The following DCC variants were observed in gnomAD, a reference collection of about 807,000 sequenced individuals.
The protein encoded by DCC is netrin receptor DCC.
In DCC, 58 loss-of-function variants were observed where a neutral mutation model predicts 172.5. The ratio of observed to expected loss-of-function variants is 0.34; its 90% confidence interval spans 0.27 to 0.42. The LOEUF (loss-of-function observed/expected upper bound fraction) is 0.42. Ranked by LOEUF, DCC falls within the 10% of genes least tolerant of loss-of-function variation. The pLI is 1.00. For missense variants in DCC, 1,740 were observed against 1,791.0 expected (o/e 0.97, Z 0.51); for synonymous variants, 709 against 644.5 (o/e 1.10, Z -1.52).
intron 2 of DCC, among the ~76,000 whole-genome samples, chr18:52,844,936 T>C (rs112434472): frequency 0.027 from 4,079 of 152,310 alleles, 163 homozygotes; most frequent in African/African-American, 0.09. Context: ...GAAACAACTA[T>C]GGGAAATATT....
At chr18:52,743,299 G>A (rs1189709950) in intron 1 of DCC, among the ~76,000 whole-genome samples, 1 of 152,148 alleles carries the variant, frequency 6.6e-6, no homozygotes, top group Non-Finnish European at 1.5e-5. Context: ...TGAAAAACAC[G>A]GAAGCTAAAG....
chr18:52,833,012 T>C (rs556663517), intron 2 of DCC, among the ~76,000 whole-genome samples: 2 of 152,234 alleles, frequency 1.3e-5, no homozygotes, highest in East Asian at 3.9e-4. Context: ...AATGAGAATA[T>C]ATAACCTCTT....
intron 1 of DCC, among the ~76,000 whole-genome samples, chr18:52,652,160 T>C (rs1278053715): frequency 6.6e-6 from 1 of 152,166 alleles, no homozygotes; most frequent in East Asian, 1.9e-4. Flanking sequence ...GGAGAGTTTT[T>C]ATCCCTGTAG....
chr18:53,334,941 G>A (rs189360656), intron 14 of DCC, among the ~76,000 whole-genome samples: 1 of 152,072 alleles, frequency 6.6e-6, no homozygotes, highest in Admixed American at 6.6e-5. Flanking sequence ...AATTCTTTTT[G>A]CATTTATACT....
intron 1 of DCC, among the ~76,000 whole-genome samples, chr18:52,484,034 GA>G (rs1237356037): frequency 6.6e-6 from 1 of 151,902 alleles, no homozygotes; most frequent in African/African-American, 2.4e-5. Flanking sequence ...TATGCTCTGG[GA>G]AAAAATAATA....
intron 7 of DCC, among the ~76,000 whole-genome samples, chr18:53,066,979 T>C (rs1023558639): frequency 6.6e-6 from 1 of 151,924 alleles, no homozygotes; most frequent in Non-Finnish European, 1.5e-5. Flanking sequence ...CAACCAGATC[T>C]CATGAGAACT....
chr18:52,751,050 G>T (rs1421378334), intron 1 of DCC, among the ~76,000 whole-genome samples: 1 of 152,182 alleles, frequency 6.6e-6, no homozygotes, highest in Non-Finnish European at 1.5e-5. Context: ...TTAAACATCA[G>T]CAAGAAAATT....
At chr18:53,025,795 T>TACACACAC (rs34351949) in intron 5 of DCC, among the ~76,000 whole-genome samples, 6,037 of 141,500 alleles carry the variant, frequency 0.043, 158 homozygotes, top group African/African-American at 0.047. Flanking sequence ...AAAACTATGA[T>TACACACAC]ACACACACAC....
intron 13 of DCC, among the ~76,000 whole-genome samples, chr18:53,310,307 G>C (rs1402549444): frequency 6.6e-6 from 1 of 151,932 alleles, no homozygotes; most frequent in Admixed American, 6.6e-5. Flanking sequence ...AAAATGTAAA[G>C]GATTTGATCC....
intron 15 of DCC, among the ~76,000 whole-genome samples, chr18:53,344,586 C>G (rs1353731385): frequency 6.6e-6 from 1 of 151,026 alleles, no homozygotes. Flanking sequence ...GGATTACAAG[C>G]GTGCGCCATC....
chr18:53,106,210 A>G (rs10502964), intron 7 of DCC, among the ~76,000 whole-genome samples: 15,490 of 151,826 alleles, frequency 0.1, 1,146 homozygotes, highest in Admixed American at 0.22. Flanking sequence ...CTTATTTCCC[A>G]TTGCTGCCTA....
intron 7 of DCC, among the ~76,000 whole-genome samples, chr18:53,107,391 C>G (rs2043264862): frequency 6.6e-6 from 1 of 151,600 alleles, no homozygotes; most frequent in Non-Finnish European, 1.5e-5. Flanking sequence ...GCCCATTTTT[C>G]TGGCCTTTCA....
chr18:53,293,152 T>A (rs961503507), intron 12 of DCC, among the ~76,000 whole-genome samples: 4 of 152,350 alleles, frequency 2.6e-5, no homozygotes, highest in African/African-American at 9.6e-5. Flanking sequence ...TAATTTCTAC[T>A]GTCACTTAGC....
At chr18:53,074,276 C>T (rs1200215576) in intron 7 of DCC, among the ~76,000 whole-genome samples, 1 of 152,124 alleles carries the variant, frequency 6.6e-6, no homozygotes, top group African/African-American at 2.4e-5. Context: ...ACAATGTTAA[C>T]CGACCCAAGC....
intron 1 of DCC, among the ~76,000 whole-genome samples, chr18:52,605,469 A>G (rs1394650062): frequency 6.6e-6 from 1 of 152,174 alleles, no homozygotes; most frequent in Non-Finnish European, 1.5e-5. Context: ...ATTTGTTCTG[A>G]TATTATTGCA....
intron 4 of DCC, 38 bp from the exon 5 acceptor site, chr18:52,925,196 T>C: frequency 1.2e-6 from 2 of 1,600,628 alleles, no homozygotes; most frequent in Non-Finnish European, 1.7e-6. Context: ...AATATATACA[T>C]ATGTTAATTT....
intron 7 of DCC, among the ~76,000 whole-genome samples, chr18:53,130,971 CTG>C (rs1172560251): frequency 2.0e-5 from 3 of 152,104 alleles, no homozygotes; most frequent in Non-Finnish European, 4.4e-5. Flanking sequence ...TAGAGAAAAA[CTG>C]TATTTGCTGA....
chr18:52,866,273 C>G (rs1034474330), intron 2 of DCC, among the ~76,000 whole-genome samples: 1 of 152,148 alleles, frequency 6.6e-6, no homozygotes, highest in Non-Finnish European at 1.5e-5. Flanking sequence ...GTATCAGTAC[C>G]ATGCTGTTTT....
At chr18:53,187,900 A>G (rs915543551) in intron 9 of DCC, among the ~76,000 whole-genome samples, 1 of 152,162 alleles carries the variant, frequency 6.6e-6, no homozygotes, top group Non-Finnish European at 1.5e-5. Context: ...ATGACAAGCA[A>G]TTACTGCTTC....
Sources: allele counts gnomAD v4.1 joint callset (sites outside exome capture counted in the v4.1 genomes callset), GRCh38; gene constraint gnomAD v4.1.1; transcripts MANE v1.5; gene names NCBI Gene and HGNC (gene_info 2026-07-23, HGNC 2026-07-21).